The following NCK2 variants were observed in gnomAD, a reference collection of about 807,000 sequenced individuals.
NCK2 encodes cytoplasmic protein NCK2.
Under a neutral mutation model 33.9 loss-of-function variants are expected in NCK2, and 16 were observed. The ratio of observed to expected loss-of-function variants is 0.47; its 90% CI spans 0.32 to 0.72. The LOEUF (loss-of-function observed/expected upper bound fraction) is 0.72, where lower values mean the gene tolerates loss of function less well. Among genes scored for constraint, NCK2 ranks in the 30% least tolerant of loss-of-function variants. The probability of loss-of-function intolerance (pLI) is 0.03; values close to 1 mark genes in which losing one functional copy is unlikely to be tolerated. For synonymous variants in NCK2, 273 were observed against 239.9 expected, an observed-to-expected ratio of 1.14 and a Z score of -1.27; for missense variants, 418 against 537.3, an observed-to-expected ratio of 0.78 and a Z score of 2.19.
chr2:105,850,521 A>G (rs1677025666), intron 2 of NCK2, among the ~76,000 whole-genome samples: 2 of 152,236 alleles, frequency 1.3e-5, no homozygotes, highest in South Asian at 4.1e-4. Context: ...TAGAGTGGTC[A>G]CATGACATAC....
chr2:105,830,717 T>TGTGTG (rs1352679713), intron 2 of NCK2, among the ~76,000 whole-genome samples: 6,472 of 97,584 alleles, frequency 0.066, 241 homozygotes, highest in Middle Eastern at 0.11. Flanking sequence ...GTGTGTGTGT[T>TGTGTG]TGGTCTGATA....
chr2:105,745,645 A>G (rs1264221746), intron 1 of NCK2: 14 of 152,318 alleles, frequency 9.2e-5, no homozygotes, highest in African/African-American at 3.4e-4. Flanking sequence ...CGGCCGGGAG[A>G]ACTTAACCGT....
At chr2:105,784,616 A>G (rs978199069) in intron 1 of NCK2, among the ~76,000 whole-genome samples, 3 of 152,228 alleles carry the variant, frequency 2.0e-5, no homozygotes, top group Admixed American at 6.5e-5. Flanking sequence ...TAATAATCAC[A>G]TTTAAATTGA....
In NCK2 at chr2:105,855,145, C is replaced by T; in HGVS notation, c.82C>T (p.Arg28Trp). 7.4e-6 allele frequency: 12 copies of T among 1,614,156 alleles called. No homozygotes were observed. The highest frequency in any genetic ancestry group is 1.0e-5 in the Non-Finnish European group (12 of 1,180,012). Residue 28 changes from arginine to tryptophan, a missense_variant, in exon 3 of 5, where the codon CGG becomes TGG. Physicochemically the swap from Arg to Trp is moderately radical, Grantham distance 101. Coordinates refer to ENST00000233154, the MANE Select transcript of NCK2 (RefSeq NM_003581.5). Reference protein sequence around the residue: ...DQELDIKKNERLWLLDDSKTW... With the variant: ...DQELDIKKNEWLWLLDDSKTW... ...GGAGCTGGACATCAAGAAGAACGAG[C>T]GGCTGTGGTTGCTGGACGACTCCAA... is the stretch of plus-strand genomic sequence containing the variant.
At chr2:105,877,041 C>A (rs1000032551) in intron 3 of NCK2, among the ~76,000 whole-genome samples, 1 of 152,102 alleles carries the variant, frequency 6.6e-6, no homozygotes, top group African/African-American at 2.4e-5. Flanking sequence ...CAGGTGAAGT[C>A]CAGGCAAGAG....
At chr2:105,826,092 G>A (rs532596242) in intron 2 of NCK2, among the ~76,000 whole-genome samples, 1 of 152,316 alleles carries the variant, frequency 6.6e-6, no homozygotes, top group African/African-American at 2.4e-5. Flanking sequence ...TATTTATACA[G>A]GAAAGAGATT....
Position 105,893,346 on chromosome 2 carries a change from A to G in NCK2, c.*170A>G, listed in dbSNP as rs567590526. On this transcript the variant is annotated 3_prime_UTR_variant, in exon 5 of 5. Coordinates refer to ENST00000233154, the MANE Select transcript of NCK2 (RefSeq NM_003581.5). ...CTCCCATTTGCCATCCAGGCCTCAC[A>G]CCCACACTCGAGCCCACCCGGCCGG... The G allele has an allele frequency of 9.5e-5, 61 of 640,440 alleles. No individual in the cohort carries two copies. The highest frequency in any genetic ancestry group is 9.5e-4 in the South Asian group (43 of 45,386). 39.7% of individuals were successfully genotyped at this position (640,440 alleles called of 1,614,324 possible).
chr2:105,787,370 G>A (rs565049913), intron 1 of NCK2, among the ~76,000 whole-genome samples: 1 of 152,302 alleles, frequency 6.6e-6, no homozygotes, highest in South Asian at 2.1e-4. Context: ...TATATTTGGA[G>A]ATGAGCCCTC....
intron 3 of NCK2, among the ~76,000 whole-genome samples, chr2:105,862,233 G>C (rs998916406): frequency 6.6e-6 from 1 of 152,186 alleles, no homozygotes; most frequent in African/African-American, 2.4e-5. Flanking sequence ...CTTCAGACTA[G>C]TGGGAAGGGG....
At chr2:105,832,442 A>G (rs1340978671) in intron 2 of NCK2, among the ~76,000 whole-genome samples, 1 of 152,206 alleles carries the variant, frequency 6.6e-6, no homozygotes, top group African/African-American at 2.4e-5. Context: ...CCTATTCAGT[A>G]TGATGTTAGC....
chr2:105,788,356 T>G (rs952014966), intron 1 of NCK2, among the ~76,000 whole-genome samples: 3 of 152,186 alleles, frequency 2.0e-5, no homozygotes, highest in Non-Finnish European at 4.4e-5. Context: ...CTTTTCTCCA[T>G]TTCTATCAAC....
intron 2 of NCK2, among the ~76,000 whole-genome samples, chr2:105,828,330 C>G (rs1676033522): frequency 6.6e-6 from 1 of 152,078 alleles, no homozygotes; most frequent in African/African-American, 2.4e-5. Context: ...AACAATATGG[C>G]CTAACCATAT....
chr2:105,804,232 A>G (rs1674947643), intron 1 of NCK2, among the ~76,000 whole-genome samples: 1 of 152,232 alleles, frequency 6.6e-6, no homozygotes, highest in African/African-American at 2.4e-5. Flanking sequence ...TTCATTGTGA[A>G]GCTGAAGTTG....
chr2:105,882,199 C>G (rs1339068031), intron 4 of NCK2, 150 bp downstream of exon 4: 6 of 962,182 alleles, frequency 6.2e-6, no homozygotes, highest in Non-Finnish European at 8.2e-6. Flanking sequence ...GTTTGCTACT[C>G]CGTGATTTAC....
chr2:105,840,312 C>A (rs1197329112), intron 2 of NCK2, among the ~76,000 whole-genome samples: 1 of 152,098 alleles, frequency 6.6e-6, no homozygotes, highest in Non-Finnish European at 1.5e-5. Context: ...GACAGCTCAC[C>A]CCTGTAACAC....
intron 3 of NCK2, among the ~76,000 whole-genome samples, chr2:105,863,535 A>G (rs1259050123): frequency 6.6e-6 from 1 of 152,094 alleles, no homozygotes; most frequent in East Asian, 1.9e-4. Flanking sequence ...GTCAGATGTT[A>G]TTTCATCTGG....
At chr2:105,826,435 G>A (rs922926025) in intron 2 of NCK2, among the ~76,000 whole-genome samples, 11 of 152,148 alleles carry the variant, frequency 7.2e-5, no homozygotes, top group Non-Finnish European at 1.3e-4. Flanking sequence ...CTCTGCTCAG[G>A]TAGTTTGCTT....
At chr2:105,772,155 C>T (rs1234800012) in intron 1 of NCK2, among the ~76,000 whole-genome samples, 1 of 150,990 alleles carries the variant, frequency 6.6e-6, no homozygotes. Flanking sequence ...TTAGCAGTTT[C>T]CACCGGTGTC....
intron 2 of NCK2, chr2:105,848,581 G>C (rs1050779839): frequency 5.3e-5 from 8 of 152,206 alleles, no homozygotes; most frequent in African/African-American, 1.9e-4. Context: ...CCCGAGAATA[G>C]CAGTGCACAC....
Sources: gnomAD v4.1 joint callset for allele counts (sites outside exome capture counted in the v4.1 genomes callset) on GRCh38, gnomAD v4.1.1 for gene constraint, MANE v1.5 for transcripts, NCBI Gene and HGNC (gene_info 2026-07-23, HGNC 2026-07-21) for gene names.